CFAP20DC: variants seen among roughly 807,000 people sequenced by gnomAD.
The protein encoded by CFAP20DC is CFAP20 domain containing.
In CFAP20DC, 84 loss-of-function variants were observed where a neutral mutation model predicts 101.7. That is an observed-to-expected ratio of 0.83 (90% confidence interval 0.69 to 0.99). The LOEUF is 0.99. Among genes scored for constraint, CFAP20DC ranks in the 50% least tolerant of loss-of-function variants. The pLI is 0.00. For missense variants in CFAP20DC, 1,007 were observed against 970.3 expected, an observed-to-expected ratio of 1.04 and a Z score of -0.50; for synonymous variants, 359 against 351.2, an observed-to-expected ratio of 1.02 and a Z score of -0.25.
At chr3:58,785,259 A>G (rs1472630139) in intron 15 of CFAP20DC, among the ~76,000 whole-genome samples, 4 of 152,110 alleles carry the variant, frequency 2.6e-5, no homozygotes, top group Non-Finnish European at 4.4e-5. Context: ...GAGTAGAATG[A>G]TAGATACCGG....
rs2081290244 is a variant in CFAP20DC at position 58,882,337 on chromosome 3, A to G, written c.715+2208T>C. Among the ~76,000 whole-genome samples, 1 of 152,204 alleles carries G rather than the reference A, an allele frequency of 6.6e-6. No individual in the cohort carries two copies. Among genetic ancestry groups the G allele is most frequent in the African/African-American group, 2.4e-5 (1 of 41,476 alleles). ...TAATATTTATCCAAATTCCCATTTA[A>G]TTTCACACATTATAAGTGTCCTTCA... On this transcript the variant is annotated intron_variant, in intron 7 of 16. Coordinates refer to ENST00000482387, the MANE Select transcript of CFAP20DC (RefSeq NM_001394063.1). This position sits in a 1 kb window ranked among gnomAD's most constrained non-coding sequence, Gnocchi z 4.2.
chr3:58,765,328 G>A (rs2070176453), intron 15 of CFAP20DC, among the ~76,000 whole-genome samples: 1 of 151,644 alleles, frequency 6.6e-6, no homozygotes, highest in Non-Finnish European at 1.5e-5. Flanking sequence ...TTATATAAGA[G>A]CAAGTTAGCT....
intron 4 of CFAP20DC, among the ~76,000 whole-genome samples, chr3:58,949,137 C>A (rs894825151): frequency 2.0e-4 from 31 of 152,196 alleles, no homozygotes; most frequent in Middle Eastern, 6.8e-3. Flanking sequence ...GTGGTGATAT[C>A]CCCTTTATCA....
rs140879098 is a variant in CFAP20DC, at chr3:58,863,638, C to A, written c.1513G>T (p.Asp505Tyr). The change falls in exon 12 of 17, where the codon GAT becomes TAT. Residue 505 changes from aspartate to tyrosine, a missense_variant. Transcript: ENST00000482387. The surrounding 1 kb of genome is among the most constrained non-coding windows in gnomAD (Gnocchi z 5.9). ...GTCACACTGTTATCCTCTTTTAGAT[C>A]CAAAATAAATGAGAGCTCCTCTGGG... ...MSPEELSFIL[D>Y]LKEDNSVTSR... The A allele has an allele frequency of 4.3e-6, 7 of 1,613,990 alleles. No homozygotes were observed. Among genetic ancestry groups the A allele is most frequent in the Admixed American group, 1.7e-5 (1 of 60,004 alleles).
At chr3:58,827,862 A>G (rs1389965975) in intron 14 of CFAP20DC, among the ~76,000 whole-genome samples, 1 of 152,198 alleles carries the variant, frequency 6.6e-6, no homozygotes, top group African/African-American at 2.4e-5. Context: ...ACTCAAAAAC[A>G]TATGTGTGGA....
intron 14 of CFAP20DC, among the ~76,000 whole-genome samples, chr3:58,820,083 A>T (rs1337099812): frequency 6.6e-6 from 1 of 151,780 alleles, no homozygotes; most frequent in African/African-American, 2.4e-5. Flanking sequence ...CCTTTGACAA[A>T]ATTCAACAAC....
downstream of CFAP20DC, among the ~76,000 whole-genome samples, chr3:58,740,473 A>T (rs1022093304): frequency 1.3e-5 from 2 of 152,014 alleles, no homozygotes; most frequent in East Asian, 1.9e-4. The surrounding 1 kb of genome is among the most constrained non-coding windows in gnomAD (Gnocchi z 4.6). Context: ...TGCTATAGGG[A>T]TCTCTGGGGC....
intron 12 of CFAP20DC, among the ~76,000 whole-genome samples, chr3:58,850,511 C>A (rs1223179771): frequency 3.3e-5 from 5 of 150,946 alleles, no homozygotes; most frequent in Admixed American, 6.6e-5. Context: ...TTGCTTGAAC[C>A]TGGGAGGCGG....
chr3:58,927,773 A>G (rs2086146894), intron 5 of CFAP20DC, among the ~76,000 whole-genome samples: 1 of 152,222 alleles, frequency 6.6e-6, no homozygotes, highest in South Asian at 2.1e-4. Flanking sequence ...GAAGGCCACT[A>G]GAGATGGCAT....
chr3:58,880,426 G>T (rs200768047), intron 7 of CFAP20DC, among the ~76,000 whole-genome samples: 3 of 152,238 alleles, frequency 2.0e-5, no homozygotes, highest in South Asian at 4.1e-4. Context: ...ATATCTTATT[G>T]TGTGGTTATT....
In CFAP20DC at chr3:58,864,027, G is replaced by A. The variant is rs144235333; in HGVS notation, c.1259-135C>T. ...GGCTGCAGTGCAGTCACGCGATCTC[G>A]GCTCACTGCAACCTCCGCCTCCCAA... On this transcript the variant is annotated intron_variant, in intron 11 of 16. Coordinates refer to ENST00000482387, the MANE Select transcript of CFAP20DC (RefSeq NM_001394063.1). This position sits in a 1 kb window ranked among gnomAD's most constrained non-coding sequence, Gnocchi z 4.7. 2,674 of 823,846 alleles carry A rather than the reference G, an allele frequency of 3.2e-3. 47 individuals carry two copies. In the African/African-American group the frequency reaches 0.037, roughly 11 times the overall value. 51.0% of individuals were successfully genotyped at this position (823,846 alleles called of 1,614,324 possible).
intron 5 of CFAP20DC, among the ~76,000 whole-genome samples, chr3:58,926,150 G>A (rs2085941760): frequency 6.6e-6 from 1 of 152,036 alleles, no homozygotes; most frequent in Non-Finnish European, 1.5e-5. Context: ...TGGATCATTT[G>A]AGGTCAGGAG....
intron 13 of CFAP20DC, among the ~76,000 whole-genome samples, chr3:58,848,693 C>G (rs758883472): frequency 7.9e-5 from 12 of 152,088 alleles, no homozygotes; most frequent in Non-Finnish European, 1.6e-4. Flanking sequence ...ATTTTACTGG[C>G]AAGCTTTTGG....
In CFAP20DC at chr3:58,899,461, G is replaced by A. The variant is rs2082955471; in HGVS notation, c.550+14247C>T. ...GCAGAACATGCTGCTTGGCTTCCGG[G>A]ATTCAGTTCCCTTCCTAGGGATGGA... is the stretch of plus-strand genomic sequence containing the variant. On this transcript the variant is annotated intron_variant, in intron 6 of 16. Transcript: ENST00000482387. The surrounding 1 kb of genome is among the most constrained non-coding windows in gnomAD (Gnocchi z 5.0). 6.6e-6 allele frequency among the ~76,000 whole-genome samples: 1 copy of A among 152,174 alleles called. No homozygotes were observed. The highest frequency in any genetic ancestry group is 2.4e-5 in the African/African-American group (1 of 41,438).
In CFAP20DC at chr3:58,822,424, C is replaced by G. The variant is rs150475163; in HGVS notation, c.2175+9262G>C. Among the ~76,000 whole-genome samples, 1,190 of 148,918 alleles carry G rather than the reference C, an allele frequency of 8.0e-3. 27 individuals carry two copies. Among genetic ancestry groups the G allele is most frequent in the African/African-American group, 0.029 (1,135 of 39,460 alleles). ...GACACAGGAAGGGGAATATCACACT[C>G]TGGGGACTGTTGTGGGGTGGTGGGA... On this transcript the variant is annotated intron_variant, in intron 14 of 16. Coordinates refer to ENST00000482387, the MANE Select transcript of CFAP20DC (RefSeq NM_001394063.1).
intron 16 of CFAP20DC, among the ~76,000 whole-genome samples, chr3:58,748,301 T>C (rs2107198740): frequency 6.6e-6 from 1 of 152,240 alleles, no homozygotes; most frequent in South Asian, 2.1e-4. Flanking sequence ...CGTTGAGCTA[T>C]GGGAAAATGC....
At chr3:58,793,994 G>A (rs2073049492) in intron 15 of CFAP20DC, among the ~76,000 whole-genome samples, 1 of 152,282 alleles carries the variant, frequency 6.6e-6, no homozygotes, top group African/African-American at 2.4e-5. Context: ...GAGAATCAAA[G>A]ACTGAAAAAT....
intron 15 of CFAP20DC, among the ~76,000 whole-genome samples, chr3:58,777,767 A>G (rs2071467987): frequency 6.6e-6 from 1 of 152,066 alleles, no homozygotes; most frequent in African/African-American, 2.4e-5. Flanking sequence ...GACTCCTGTA[A>G]TCCTAGCCAC....
chr3:59,031,108 C>T (rs536573728), intron 4 of CFAP20DC, among the ~76,000 whole-genome samples: 22 of 152,334 alleles, frequency 1.4e-4, no homozygotes, highest in South Asian at 2.1e-4. Context: ...AGGCTTGAGC[C>T]GCCGTGCCTG....
Sources: allele counts gnomAD v4.1 joint callset (sites outside exome capture counted in the v4.1 genomes callset), GRCh38; gene constraint gnomAD v4.1.1; non-coding constraint Gnocchi (gnomAD v3.1); transcripts MANE v1.5; gene names NCBI Gene and HGNC (gene_info 2026-07-23, HGNC 2026-07-21).